The following CNST variants were observed in gnomAD, a reference collection of about 807,000 sequenced individuals.
The protein encoded by CNST is consortin.
A neutral mutation model predicts 72.4 loss-of-function variants in CNST; 39 were observed. The observed-to-expected ratio is 0.54, with a 90% CI of 0.42 to 0.70. The LOEUF (loss-of-function observed/expected upper bound fraction) is 0.70. Ranked by LOEUF, CNST falls within the 30% of genes least tolerant of loss-of-function variation. The probability of loss-of-function intolerance (pLI) is 0.00; values close to 1 mark genes in which losing one functional copy is unlikely to be tolerated. For synonymous variants in CNST, 332 were observed against 320.1 expected (o/e 1.04, Z -0.40); for missense variants, 871 against 868.5 (o/e 1.00, Z -0.04).
chr1:246,649,156 G>GTTTT lies in CNST; in HGVS notation c.1836+1120_1836+1123dup, dbSNP rs767552283. Among the ~76,000 whole-genome samples, 11 of 73,760 alleles carry GTTTT rather than the reference G, an allele frequency of 1.5e-4. 1 individual carries two copies. The highest frequency in any genetic ancestry group is 1.6e-4 in the Non-Finnish European group (6 of 36,576). The allele number at this position is 73,760 out of a possible 152,430, so 48.4% of individuals were successfully genotyped here. A position where few individuals can be genotyped will look rare whatever the true frequency, so the allele number is the denominator to read the frequency against. On this transcript the variant is annotated intron_variant, in intron 9 of 10. Transcript: ENST00000366513. ...TGCAGTTAATTCTCTACAGACTGTT[G>GTTTT]TTTTGTTTTTTTTTTTTTTTCGTAG... is the stretch of plus-strand genomic sequence containing the variant.
chr1:246,652,483 C>A (rs1484563288), intron 9 of CNST, among the ~76,000 whole-genome samples: 1 of 152,158 alleles, frequency 6.6e-6, no homozygotes, highest in Non-Finnish European at 1.5e-5. Flanking sequence ...GTATGTAATT[C>A]AGAGGTCCCC....
intron 1 of CNST, among the ~76,000 whole-genome samples, chr1:246,589,076 A>G (rs1661371681): frequency 1.3e-5 from 2 of 152,124 alleles, no homozygotes; most frequent in African/African-American, 4.8e-5. Flanking sequence ...TGAAGATGTC[A>G]GCTAAGAAAC....
intron 9 of CNST, among the ~76,000 whole-genome samples, chr1:246,649,758 A>G (rs557054864): frequency 1.3e-5 from 2 of 151,594 alleles, no homozygotes; most frequent in African/African-American, 4.8e-5. Flanking sequence ...ATTTGGGAGG[A>G]TAATAGGAAC....
At chr1:246,641,413 G>T (rs1665681666) in intron 6 of CNST, among the ~76,000 whole-genome samples, 1 of 152,132 alleles carries the variant, frequency 6.6e-6, no homozygotes, top group African/African-American at 2.4e-5. Context: ...AGACTAAAAT[G>T]ACATAAACTG....
chr1:246,647,468 G>C lies in CNST; in HGVS notation c.1267G>C (p.Val423Leu), dbSNP rs2103133881. 6.2e-7 allele frequency: 1 copy of C among 1,614,160 alleles called. No homozygotes were observed. Among genetic ancestry groups the C allele is most frequent in the South Asian group, 1.1e-5 (1 of 91,076 alleles). The change falls in exon 9 of 11, where the codon GTG becomes CTG. Residue 423 changes from valine to leucine, a missense_variant. Coordinates refer to ENST00000366513, the MANE Select transcript of CNST (RefSeq NM_152609.3). ...RIEGIAEDPK[V>L]FLSSKSKTEP... ...AGAGGGCATTGCTGAAGACCCTAAG[G>C]TGTTTCTTTCCAGCAAGTCAAAGAC...
chr1:246,595,652 CA>C lies in CNST; in HGVS notation c.379+3712del, dbSNP rs200498930. ...GAATAGCTTCTCAAATGTGAAATGA[CA>C]TATAAAAAACATGATATTCAGTTGC... On this transcript the variant is annotated intron_variant, in intron 2 of 10. Transcript: ENST00000366513. Among the ~76,000 whole-genome samples, 394 of 151,828 alleles carry C rather than the reference CA, an allele frequency of 2.6e-3. 1 individual carries two copies. The highest frequency in any genetic ancestry group is 8.8e-3 in the African/African-American group (365 of 41,362).
rs144557607 is a variant in CNST, at chr1:246,625,642, G to A, written c.585+4008G>A. Among the ~76,000 whole-genome samples the A allele has an allele frequency of 3.3e-3, 505 of 151,906 alleles. 4 individuals are homozygous for A. Among genetic ancestry groups the A allele is most frequent in the African/African-American group, 0.011 (455 of 41,422 alleles). On this transcript the variant is annotated intron_variant, in intron 3 of 10. Transcript: ENST00000366513. ...TCACCATGTTGGCCAGGAGGGTCTC[G>A]ATCTCTTGACCTCACGATCCGCCCG...
intron 9 of CNST, among the ~76,000 whole-genome samples, chr1:246,649,843 T>TG (rs1344272507): frequency 2.7e-5 from 4 of 150,328 alleles, no homozygotes; most frequent in Non-Finnish European, 5.9e-5. Context: ...GTTTGCCAGA[T>TG]GTCCCCTCCA....
In CNST at chr1:246,647,476, T is replaced by C. The variant is rs1364552578; in HGVS notation, c.1275T>C (p.Leu425=). The C allele has an allele frequency of 5.0e-6, 8 of 1,614,102 alleles. No homozygotes were observed. The highest frequency in any genetic ancestry group is 3.3e-5 in the Admixed American group (2 of 60,000). ...EGIAEDPKVF[L]SSKSKTEPLI... is the part of the protein sequence containing the mutation. ...TTGCTGAAGACCCTAAGGTGTTTCT[T>C]TCCAGCAAGTCAAAGACAGAGCCGT... The change falls in exon 9 of 11, where the codon CTT becomes CTC. Residue 425 remains leucine (L), a synonymous_variant. Transcript: ENST00000366513.
chr1:246,663,458 A>G (rs1030458430), intron 10 of CNST, among the ~76,000 whole-genome samples: 6 of 152,172 alleles, frequency 3.9e-5, no homozygotes, highest in Non-Finnish European at 1.5e-5. Flanking sequence ...AAACTATTTT[A>G]GACTGGGCGT....
chr1:246,592,196 AACAGT>A (rs1367913625), intron 2 of CNST, among the ~76,000 whole-genome samples: 1 of 152,158 alleles, frequency 6.6e-6, no homozygotes, highest in African/African-American at 2.4e-5. Context: ...TACTATCATA[AACAGT>A]GCTGAGGCCG....
intron 2 of CNST, among the ~76,000 whole-genome samples, chr1:246,605,349 G>A (rs7521252): frequency 6.6e-6 from 1 of 152,232 alleles, no homozygotes; most frequent in Non-Finnish European, 1.5e-5. Flanking sequence ...GCCAAAGCAA[G>A]GGAGTCGCTT....
intron 10 of CNST, 106 bp downstream of exon 10, chr1:246,660,440 T>C: frequency 1.6e-6 from 2 of 1,289,720 alleles, no homozygotes; most frequent in East Asian, 2.4e-5. Context: ...TAAAAGACTA[T>C]GTCCGCCAGG....
Position 246,663,560 on chromosome 1 carries a change from G to C in CNST, c.1973-2140G>C, listed in dbSNP as rs531315083. Reference sequence around the variant, plus strand: ...GTTTGAGACCAGCCTGGCCAATATGGTGAAACCCCATCTCTATAACAATAC... The same window carrying C: ...GTTTGAGACCAGCCTGGCCAATATGCTGAAACCCCATCTCTATAACAATAC... On this transcript the variant is annotated intron_variant, in intron 10 of 10. Coordinates refer to ENST00000366513, the MANE Select transcript of CNST (RefSeq NM_152609.3). 3.9e-4 allele frequency among the ~76,000 whole-genome samples: 60 copies of C among 152,026 alleles called. 1 individual carries two copies. Among genetic ancestry groups the C allele is most frequent in the Non-Finnish European group, 6.0e-4 (41 of 68,004 alleles).
chr1:246,584,780 T>A (rs1179500977), intron 1 of CNST, among the ~76,000 whole-genome samples: 1 of 152,160 alleles, frequency 6.6e-6, no homozygotes, highest in Non-Finnish European at 1.5e-5. Flanking sequence ...CCCAACTCCT[T>A]GCTCCCAACA....
chr1:246,650,676 CTTT>C (rs10693662), intron 9 of CNST, among the ~76,000 whole-genome samples: 4 of 127,680 alleles, frequency 3.1e-5, no homozygotes, highest in African/African-American at 8.8e-5. Context: ...TTAATTCAAA[CTTT>C]TTTTTTTTTT....
intron 9 of CNST, among the ~76,000 whole-genome samples, chr1:246,651,915 A>G (rs1019828225): frequency 6.6e-6 from 1 of 152,100 alleles, no homozygotes; most frequent in African/African-American, 2.4e-5. Context: ...TCATTCTGTA[A>G]TTTTTATTGA....
intron 2 of CNST, among the ~76,000 whole-genome samples, chr1:246,617,224 G>C (rs187876786): frequency 6.6e-6 from 1 of 152,270 alleles, no homozygotes; most frequent in Admixed American, 6.5e-5. Context: ...GCTACATATT[G>C]TATGATAAAA....
At chr1:246,635,179 T>A (rs1408243151) in intron 6 of CNST, among the ~76,000 whole-genome samples, 3 of 151,986 alleles carry the variant, frequency 2.0e-5, no homozygotes. Context: ...CTACTTCAGG[T>A]GTGACATAGA....
Sources: gnomAD v4.1 joint callset for allele counts (sites outside exome capture counted in the v4.1 genomes callset) on GRCh38, gnomAD v4.1.1 for gene constraint, MANE v1.5 for transcripts, NCBI Gene and HGNC (gene_info 2026-07-23, HGNC 2026-07-21) for gene names.